The following STX18 variants were observed in gnomAD, a reference collection of about 807,000 sequenced individuals.
STX18 encodes the protein syntaxin-18.
In STX18, 40 loss-of-function variants were observed where a neutral mutation model predicts 50.1. That is an observed-to-expected ratio of 0.80 (90% confidence interval 0.62 to 1.04). STX18 has a LOEUF of 1.04. STX18 is among the 50% of genes least tolerant of loss of function. The probability of loss-of-function intolerance (pLI) is 0.00; values close to 1 mark genes in which losing one functional copy is unlikely to be tolerated. For synonymous variants in STX18, 158 were observed against 151.8 expected (o/e 1.04, Z -0.30); for missense variants, 410 against 415.8 (o/e 0.99, Z 0.12).
At chr4:4,426,414 A>G (rs1725244662) in intron 7 of STX18, 1 of 152,246 alleles carries the variant, frequency 6.6e-6, no homozygotes, top group African/African-American at 2.4e-5. Context: ...TCGATGGAAG[A>G]TCTGGCTTAT....
At chr4:4,538,234 T>A (rs528608051) in intron 1 of STX18, among the ~76,000 whole-genome samples, 11 of 152,076 alleles carry the variant, frequency 7.2e-5, no homozygotes, top group Non-Finnish European at 1.5e-4. Flanking sequence ...TGGGGTACAA[T>A]GTTGCAAAGG....
intron 5 of STX18, among the ~76,000 whole-genome samples, chr4:4,450,729 G>A (rs1577333941): frequency 6.6e-6 from 1 of 152,150 alleles, no homozygotes. Context: ...CCCATGCTAA[G>A]CCACCCTCTC....
intron 1 of STX18, among the ~76,000 whole-genome samples, chr4:4,492,937 A>G (rs1020135213): frequency 5.9e-5 from 9 of 152,234 alleles, no homozygotes; most frequent in African/African-American, 1.7e-4. Context: ...TTTAACTTAC[A>G]TGAGATTTAA....
intron 1 of STX18, among the ~76,000 whole-genome samples, chr4:4,522,723 GA>G (rs1378323705): frequency 1.4e-5 from 2 of 139,646 alleles, no homozygotes; most frequent in Non-Finnish European, 1.7e-5. Flanking sequence ...AAGAAACAAA[GA>G]AAAGTATAAC....
intron 1 of STX18, among the ~76,000 whole-genome samples, chr4:4,524,737 T>G (rs985781651): frequency 6.6e-6 from 1 of 152,264 alleles, no homozygotes; most frequent in Non-Finnish European, 1.5e-5. Flanking sequence ...GTCATACCAC[T>G]AGACTTTTCA....
rs529607483 is a variant in STX18 at position 4,494,841 on chromosome 4, T to G, written c.169-23135A>C. 2.6e-5 allele frequency among the ~76,000 whole-genome samples: 4 copies of G among 152,150 alleles called. No individual in the cohort carries two copies. The South Asian group carries it at 6.2e-4, about 24-fold the overall frequency. ...TAGGAGCCCCACGTGTGCCAAGAAA[T>G]CAAGGAAAGAAGAGATTACAAAGGT... On this transcript the variant is annotated intron_variant, in intron 1 of 10. Coordinates refer to ENST00000306200, the MANE Select transcript of STX18 (RefSeq NM_016930.4).
intron 1 of STX18, among the ~76,000 whole-genome samples, chr4:4,484,363 T>C (rs1428282363): frequency 1.3e-5 from 2 of 152,210 alleles, no homozygotes; most frequent in African/African-American, 4.8e-5. Context: ...GTAATGCCAC[T>C]TAAGGGCATG....
At chr4:4,454,910 G>T (rs1417651565) in intron 5 of STX18, among the ~76,000 whole-genome samples, 2 of 152,196 alleles carry the variant, frequency 1.3e-5, no homozygotes, top group African/African-American at 2.4e-5. Flanking sequence ...AATGCTTAGT[G>T]GTAGATAATA....
At chr4:4,432,503 A>C (rs1725567520) in intron 7 of STX18, among the ~76,000 whole-genome samples, 1 of 152,246 alleles carries the variant, frequency 6.6e-6, no homozygotes, top group Admixed American at 6.5e-5. Flanking sequence ...AAGGGGAAAC[A>C]GAATTTTTCA....
chr4:4,437,608 T>A (rs1725855824), intron 6 of STX18: 2 of 985,266 alleles, frequency 2.0e-6, no homozygotes, highest in Non-Finnish European at 2.4e-6. Flanking sequence ...TCCAGGACCA[T>A]GCCTAGCATC....
chr4:4,424,764 G>A (rs966949142), intron 8 of STX18, among the ~76,000 whole-genome samples: 1 of 152,232 alleles, frequency 6.6e-6, no homozygotes, highest in African/African-American at 2.4e-5. Flanking sequence ...ACAGGAGCAG[G>A]CAGACCCCAG....
At position 4,489,473 on chromosome 4, in the gene STX18, C is replaced by T. The variant is rs1728849836; in HGVS notation, c.169-17767G>A. ...CCATGTTGCCCAGGCTGGTCTCAGA[C>T]TCCTGGGCTCAAGCAATCTGCCTGC... On this transcript the variant is annotated intron_variant, in intron 1 of 10. Coordinates refer to ENST00000306200, the MANE Select transcript of STX18 (RefSeq NM_016930.4). 4.1e-5 allele frequency among the ~76,000 whole-genome samples: 5 copies of T among 122,060 alleles called. No individual in the cohort carries two copies. The South Asian group carries it at 8.4e-4, about 20-fold the overall frequency. The allele number at this position is 122,060 out of a possible 152,430, so 80.1% of individuals were successfully genotyped here.
In STX18 at chr4:4,525,256, A is replaced by T. The variant is rs1730697402; in HGVS notation, c.168+16541T>A. 2.0e-5 allele frequency among the ~76,000 whole-genome samples: 3 copies of T among 152,232 alleles called. No homozygotes were observed. In the South Asian group the frequency reaches 6.2e-4, roughly 32 times the overall value. On this transcript the variant is annotated intron_variant, in intron 1 of 10. Coordinates refer to ENST00000306200, the MANE Select transcript of STX18 (RefSeq NM_016930.4). ...TTTAACTTGTTGAAGGGTTATTTAT[A>T]AGGAGGTGACTAAACAGCTGTTCTC...
At chr4:4,482,210 A>C (rs764609872) in intron 1 of STX18, among the ~76,000 whole-genome samples, 46 of 151,952 alleles carry the variant, frequency 3.0e-4, no homozygotes, top group South Asian at 6.2e-4. Context: ...CTTTCTTTAC[A>C]TGTTCTTGCT....
At chr4:4,422,233 T>C (rs1469971132) in intron 9 of STX18, among the ~76,000 whole-genome samples, 2 of 149,196 alleles carry the variant, frequency 1.3e-5, no homozygotes, top group South Asian at 4.2e-4. Context: ...GCAACACTGA[T>C]GGAAAAAACA....
chr4:4,489,806 G>T (rs1456611658), intron 1 of STX18, among the ~76,000 whole-genome samples: 2 of 152,078 alleles, frequency 1.3e-5, no homozygotes, highest in African/African-American at 4.8e-5. Flanking sequence ...AAAAATAATA[G>T]TTAGGTCCTG....
chr4:4,425,440 A>C lies in STX18; in HGVS notation c.703-218T>G, dbSNP rs1177262740. ...AAACAGCTGTGCTGCCTGGTAATTGACTTCTCCATCTCAACCACTGCACTC... is the reference window on the plus strand; with the variant it reads ...AAACAGCTGTGCTGCCTGGTAATTGCCTTCTCCATCTCAACCACTGCACTC... On this transcript the variant is annotated intron_variant, in intron 7 of 10. Coordinates refer to ENST00000306200, the MANE Select transcript of STX18 (RefSeq NM_016930.4). 3.3e-5 allele frequency: 20 copies of C among 600,460 alleles called. No individual in the cohort carries two copies. In the Admixed American group the frequency reaches 5.7e-4, roughly 17 times the overall value. 37.2% of individuals were successfully genotyped at this position (600,460 alleles called of 1,614,324 possible).
Position 4,459,433 on chromosome 4 carries a change from G to C in STX18, c.291C>G (p.Asp97Glu), listed in dbSNP as rs1359252605. ...RMTDTERDQI[D>E]QDAQIFMRTC... ...TCCTCATGAATATCTGGGCATCCTGGTCTATCTGGTCTCGTTCTGTGTCTG... is the reference window on the plus strand; with the variant it reads ...TCCTCATGAATATCTGGGCATCCTGCTCTATCTGGTCTCGTTCTGTGTCTG... The change falls in exon 3 of 11, where the codon GAC (aspartate) becomes GAG (glutamate). Residue 97 changes from aspartate (D) to glutamate (E), a missense_variant. Coordinates refer to ENST00000306200, the MANE Select transcript of STX18 (RefSeq NM_016930.4). 4 of 1,613,972 alleles carry C rather than the reference G, an allele frequency of 2.5e-6. No individual in the cohort carries two copies. The highest frequency in any genetic ancestry group is 1.7e-5 in the Admixed American group (1 of 59,990).
At chr4:4,511,082 T>A (rs1031082163) in intron 1 of STX18, among the ~76,000 whole-genome samples, 6 of 152,158 alleles carry the variant, frequency 3.9e-5, no homozygotes, top group African/African-American at 1.4e-4. Flanking sequence ...TATGACGGGT[T>A]GACAGGTACA....
Sources: allele counts gnomAD v4.1 joint callset (sites outside exome capture counted in the v4.1 genomes callset), GRCh38; gene constraint gnomAD v4.1.1; transcripts MANE v1.5; gene names NCBI Gene and HGNC (gene_info 2026-07-23, HGNC 2026-07-21).